The following IL16 variants were observed in gnomAD, a reference collection of about 807,000 sequenced individuals.
The protein encoded by IL16 is interleukin 16.
Under a neutral mutation model 110.1 loss-of-function variants are expected in IL16, and 67 were observed. The observed-to-expected ratio is 0.61, with a 90% confidence interval of 0.50 to 0.75. IL16 has a LOEUF of 0.75. IL16 is among the 30% of genes least tolerant of loss of function. The pLI, the probability that IL16 is intolerant of heterozygous loss-of-function variation, is 0.00. For missense variants in IL16, 1,545 were observed against 1,655.0 expected (o/e 0.93, Z 1.15); for synonymous variants, 689 against 662.9 (o/e 1.04, Z -0.61).
At chr15:81,273,054 C>G (rs1443454874) in intron 5 of IL16, 36 bp from the exon 6 acceptor site, 1 of 1,531,312 alleles carries the variant, frequency 6.5e-7, no homozygotes, top group Non-Finnish European at 9.0e-7. Flanking sequence ...GCATGGAATA[C>G]TACCCCTAAA....
chr15:81,198,475 G>A (rs1457794721), intron 1 of IL16, among the ~76,000 whole-genome samples: 1 of 151,848 alleles, frequency 6.6e-6, no homozygotes, highest in Non-Finnish European at 1.5e-5. Flanking sequence ...ATATCCATAG[G>A]GTTAAAAAAT....
At chr15:81,290,711 A>T (rs918477229) in intron 11 of IL16, among the ~76,000 whole-genome samples, 171 bp downstream of exon 11, 2 of 152,200 alleles carry the variant, frequency 1.3e-5, no homozygotes, top group Non-Finnish European at 2.9e-5. Flanking sequence ...AATTTAGCTT[A>T]TATTTTTGCT....
chr15:81,207,585 C>G (rs1429729009), intron 1 of IL16, among the ~76,000 whole-genome samples: 2 of 148,028 alleles, frequency 1.4e-5, no homozygotes, highest in Non-Finnish European at 3.0e-5. Flanking sequence ...TGTGGCCAAT[C>G]TTTAGCTCCT....
At chr15:81,294,511 G>C (rs1238475615) in intron 12 of IL16, among the ~76,000 whole-genome samples, 1 of 152,204 alleles carries the variant, frequency 6.6e-6, no homozygotes, top group Non-Finnish European at 1.5e-5. Context: ...TCTGGAGAAG[G>C]AACTGGGGTG....
At chr15:81,229,775 GCCT>G (rs1022539415) in intron 2 of IL16, among the ~76,000 whole-genome samples, 1 of 152,024 alleles carries the variant, frequency 6.6e-6, no homozygotes, top group African/African-American at 2.4e-5. Flanking sequence ...CTCCCTCCCT[GCCT>G]CCCCTCGCCA....
chr15:81,203,929 C>T (rs1303894938), intron 1 of IL16, among the ~76,000 whole-genome samples: 2 of 151,982 alleles, frequency 1.3e-5, no homozygotes, highest in South Asian at 2.1e-4. Flanking sequence ...GCCATTTTCA[C>T]GATATTGATT....
Position 81,279,708 on chromosome 15 carries a change from C to T in IL16, c.1015C>T (p.Pro339Ser), listed in dbSNP as rs1225856878. The change falls in exon 8 of 19, where the codon CCC (proline) becomes TCC (serine). Residue 339 changes from proline (P) to serine (S), a missense_variant. Physicochemically the swap from Pro to Ser is moderately conservative, Grantham distance 74. This residue lies in a region of IL16 where 1,185 missense variants were observed against 1,238.8 expected (regional missense o/e 0.96). Transcript: ENST00000683961. ...KDSSSFALES[P>S]SAPISTAKPN... Reference sequence around the variant, plus strand: ...CAGCAGCTCCTTCGCCTTGGAAAGCCCCTCGGCTCCCATCAGCACCGCCAA... The same window carrying T: ...CAGCAGCTCCTTCGCCTTGGAAAGCTCCTCGGCTCCCATCAGCACCGCCAA... 6.2e-7 allele frequency: 1 copy of T among 1,614,252 alleles called. No individual in the cohort carries two copies. The highest frequency in any genetic ancestry group is 1.1e-5 in the South Asian group (1 of 91,086).
intron 8 of IL16, among the ~76,000 whole-genome samples, chr15:81,282,357 C>T (rs1045868831): frequency 4.6e-5 from 7 of 152,224 alleles, no homozygotes; most frequent in Non-Finnish European, 1.5e-5. Flanking sequence ...ATACTTATCA[C>T]TCTTAGATAC....
chr15:81,247,878 G>A (rs914529015), intron 2 of IL16, among the ~76,000 whole-genome samples: 2 of 151,980 alleles, frequency 1.3e-5, no homozygotes, highest in African/African-American at 4.8e-5. Context: ...GCATGGAGTG[G>A]GTCATTCCAG....
chr15:81,239,101 T>C (rs1897267326), intron 2 of IL16, among the ~76,000 whole-genome samples: 3 of 152,134 alleles, frequency 2.0e-5, no homozygotes, highest in Non-Finnish European at 4.4e-5. Context: ...ATGTATCTAG[T>C]TGTTGATTTA....
intron 9 of IL16, among the ~76,000 whole-genome samples, chr15:81,283,004 C>A (rs921282011): frequency 1.6e-4 from 24 of 152,152 alleles, no homozygotes; most frequent in African/African-American, 5.8e-4. Flanking sequence ...GGGAGTGAGG[C>A]TTTGCACCCC....
intron 1 of IL16, among the ~76,000 whole-genome samples, chr15:81,190,326 G>C (rs996607012): frequency 6.6e-6 from 1 of 152,204 alleles, no homozygotes; most frequent in Admixed American, 6.5e-5. Context: ...CCAGTGTGGC[G>C]TTTAACCCTT....
At chr15:81,232,181 C>G (rs1409089776) in intron 2 of IL16, among the ~76,000 whole-genome samples, 1 of 149,646 alleles carries the variant, frequency 6.7e-6, no homozygotes, top group East Asian at 2.0e-4. Context: ...CTTTACAGTA[C>G]TTGATATTCC....
chr15:81,238,357 C>T (rs1897242224), intron 2 of IL16, among the ~76,000 whole-genome samples: 1 of 152,074 alleles, frequency 6.6e-6, no homozygotes, highest in African/African-American at 2.4e-5. Context: ...CCGGTGTAAT[C>T]CTTGAACATT....
At chr15:81,208,928 A>G (rs1298080859) in intron 1 of IL16, among the ~76,000 whole-genome samples, 2 of 152,202 alleles carry the variant, frequency 1.3e-5, no homozygotes, top group African/African-American at 2.4e-5. Flanking sequence ...TAAAAATAGT[A>G]TATATCTCAT....
At chr15:81,290,653 C>A (rs1596039278) in intron 11 of IL16, 113 bp downstream of exon 11, 4 of 652,912 alleles carry the variant, frequency 6.1e-6, no homozygotes, top group Admixed American at 6.2e-5. Context: ...TTACCATAGA[C>A]CAGCATAGTA....
rs556631048 is a variant in IL16 at position 81,197,118 on chromosome 15, G to A, written c.-136G>A. ...GAGGAGCAAGGGAGATGGCAGCCCC[G>A]GGGGACTGTGCATAGGGAGGTAGGT... is the stretch of plus-strand genomic sequence containing the variant. On this transcript the variant is annotated 5_prime_UTR_variant, in exon 1 of 19. Coordinates refer to ENST00000683961, the MANE Select transcript of IL16 (RefSeq NM_172217.5). 85 of 1,288,832 alleles carry A rather than the reference G, an allele frequency of 6.6e-5. No homozygotes were observed. Among genetic ancestry groups the A allele is most frequent in the African/African-American group, 5.8e-4 (38 of 65,956 alleles). The allele number at this position is 1,288,832 out of a possible 1,614,324, so 79.8% of individuals were successfully genotyped here.
At position 81,296,948 on chromosome 15, in the gene IL16, A is replaced by G. The variant is rs1460478643; in HGVS notation, c.1923A>G (p.Pro641=). ...CACAGGAAGCGAGAGAGCTGCTGCC[A>G]CTGCTGCTACCACAGGAAGACACAG... ...TCGQEARELL[P]LLLPQEDTAG... The change falls in exon 13 of 19, where the codon CCA becomes CCG. Residue 641 remains proline, a synonymous_variant. Coordinates refer to ENST00000683961, the MANE Select transcript of IL16 (RefSeq NM_172217.5). 1 of 1,612,030 alleles carries G rather than the reference A, an allele frequency of 6.2e-7. No individual in the cohort carries two copies. The highest frequency in any genetic ancestry group is 1.7e-5 in the Admixed American group (1 of 59,790).
intron 10 of IL16, among the ~76,000 whole-genome samples, chr15:81,288,444 T>A (rs749078635): frequency 2.6e-5 from 4 of 152,210 alleles, no homozygotes; most frequent in Non-Finnish European, 5.9e-5. Flanking sequence ...TTATTGTTGT[T>A]TATTGTGGTA....
Sources: gnomAD v4.1 joint callset for allele counts (sites outside exome capture counted in the v4.1 genomes callset) on GRCh38, gnomAD v4.1.1 for gene constraint, gnomAD v4.1.1 regional missense constraint, MANE v1.5 for transcripts, NCBI Gene and HGNC (gene_info 2026-07-23, HGNC 2026-07-21) for gene names.